SLC25A17: variants seen among roughly 807,000 people sequenced by gnomAD.
SLC25A17 encodes the protein solute carrier family 25 member 17.
SLC25A17 carries 26 observed loss-of-function variants against 38.5 expected under a neutral mutation model. The observed-to-expected ratio is 0.68, with a 90% CI of 0.50 to 0.94. The LOEUF is 0.94. Ranked by LOEUF, SLC25A17 falls within the 40% of genes least tolerant of loss-of-function variation. The pLI is 0.00. For missense variants in SLC25A17, 333 were observed against 372.7 expected, an observed-to-expected ratio of 0.89 and a Z score of 0.88; for synonymous variants, 139 against 136.2, an observed-to-expected ratio of 1.02 and a Z score of -0.14.
chr22:40,796,803 C>A (rs1049176275), intron 2 of SLC25A17, among the ~76,000 whole-genome samples: 3 of 152,150 alleles, frequency 2.0e-5, no homozygotes, highest in African/African-American at 7.2e-5. Flanking sequence ...ACCCCAGAAT[C>A]TACAACAGGG....
In SLC25A17 at chr22:40,777,262, C is replaced by A; in HGVS notation, c.563G>T (p.Gly188Val). 1.9e-6 allele frequency: 3 copies of A among 1,614,146 alleles called. No individual in the cohort carries two copies. The highest frequency in any genetic ancestry group is 2.5e-6 in the Non-Finnish European group (3 of 1,179,998). ...NPAIQFMFYE[G>V]LKRQLLKKRM... ...TTTCTTTAAAAGCTGCCGTTTTAAA[C>A]CTTCATAAAACATGAACTGGATGGC... The change falls in exon 6 of 9, where the codon GGT becomes GTT. Residue 188 changes from glycine (G) to valine (V), a missense_variant. Physicochemically the swap from Gly to Val is moderately radical, Grantham distance 109. Transcript: ENST00000435456.
Position 40,805,761 on chromosome 22 carries a change from T to C in SLC25A17, c.55-6678A>G, listed in dbSNP as rs1316300506. Among the ~76,000 whole-genome samples, 15 of 152,308 alleles carry C rather than the reference T, an allele frequency of 9.8e-5. No individual in the cohort carries two copies. The East Asian group carries it at 2.7e-3, about 27-fold the overall frequency. ...AAGGAATACAGCTCTGCTGACACTT[T>C]GATTTTAACTCTGTGAGACCCACAT... On this transcript the variant is annotated intron_variant, in intron 1 of 8. Coordinates refer to ENST00000435456, the MANE Select transcript of SLC25A17 (RefSeq NM_006358.4).
chr22:40,788,938 AGG>A, intron 4 of SLC25A17: 1 of 310,504 alleles, frequency 3.2e-6, no homozygotes, highest in South Asian at 4.1e-5. Flanking sequence ...TTCTGGTCTG[AGG>A]TAGCCAACAA....
At chr22:40,795,994 G>A (rs2057425989) in intron 2 of SLC25A17, among the ~76,000 whole-genome samples, 1 of 151,210 alleles carries the variant, frequency 6.6e-6, no homozygotes, top group Admixed American at 6.6e-5. Flanking sequence ...TTACCATGTT[G>A]GCCAGGCTGG....
At chr22:40,780,053 A>C (rs2057281070) in intron 4 of SLC25A17, 1 of 152,264 alleles carries the variant, frequency 6.6e-6, no homozygotes, top group African/African-American at 2.4e-5. Flanking sequence ...TCTAGTCAAG[A>C]TCTGAAGAAC....
chr22:40,802,322 C>T (rs1410555876), intron 1 of SLC25A17, among the ~76,000 whole-genome samples: 1 of 152,080 alleles, frequency 6.6e-6, no homozygotes, highest in Admixed American at 6.6e-5. Context: ...GCTCATTGGT[C>T]TATTACTACC....
At chr22:40,818,639 G>C (rs1050586568) in intron 1 of SLC25A17, among the ~76,000 whole-genome samples, 4 of 150,258 alleles carry the variant, frequency 2.7e-5, no homozygotes, top group African/African-American at 9.9e-5. Flanking sequence ...CCGGGAGATC[G>C]AGGCTGCAGT....
At chr22:40,812,057 CTTTTT>C (rs987571307) in intron 1 of SLC25A17, among the ~76,000 whole-genome samples, 3 of 150,254 alleles carry the variant, frequency 2.0e-5, no homozygotes, top group African/African-American at 7.4e-5. Context: ...CTCTCTCTTT[CTTTTT>C]AACTTATTTA....
intron 2 of SLC25A17, among the ~76,000 whole-genome samples, chr22:40,795,163 ATGATGCCCC>A (rs1178702790): frequency 1.3e-5 from 2 of 152,324 alleles, no homozygotes; most frequent in African/African-American, 4.8e-5. Flanking sequence ...CCAGAACTAA[ATGATGCCCC>A]TGTGTGACCA....
chr22:40,817,430 C>T (rs1390424454), intron 1 of SLC25A17: 2 of 152,228 alleles, frequency 1.3e-5, no homozygotes, highest in African/African-American at 2.4e-5. Context: ...ACACACTTCC[C>T]TAGTGAGCTC....
rs560206736 is a variant in SLC25A17, at chr22:40,786,209, G to T, written c.334+6316C>A. ...GCTTGTAATCCCAGCTACTAGAGAG[G>T]CTGAGGCAGGAGAATCGCTTGAACC... On this transcript the variant is annotated intron_variant, in intron 4 of 8. Transcript: ENST00000435456. Among the ~76,000 whole-genome samples the T allele has an allele frequency of 2.6e-5, 4 of 152,198 alleles. No homozygotes were observed. The South Asian group carries it at 8.3e-4, about 32-fold the overall frequency.
intron 7 of SLC25A17, among the ~76,000 whole-genome samples, chr22:40,775,471 T>G (rs2057233149): frequency 1.8e-5 from 2 of 110,832 alleles, no homozygotes; most frequent in African/African-American, 7.0e-5. Flanking sequence ...TTTTTTTTTT[T>G]TTTGAGACGG....
At chr22:40,788,021 G>A (rs1427622205) in intron 4 of SLC25A17, among the ~76,000 whole-genome samples, 1 of 152,174 alleles carries the variant, frequency 6.6e-6, no homozygotes, top group African/African-American at 2.4e-5. Flanking sequence ...CTCCCAAAGT[G>A]CTGGGATTAC....
At chr22:40,800,744 C>T (rs980751755) in intron 1 of SLC25A17, among the ~76,000 whole-genome samples, 4 of 150,600 alleles carry the variant, frequency 2.7e-5, no homozygotes, top group East Asian at 2.0e-4. Flanking sequence ...AAGCCAAGAT[C>T]GTGCCACTGC....
chr22:40,773,029 G>A (rs1009228258), intron 8 of SLC25A17, among the ~76,000 whole-genome samples: 4 of 152,088 alleles, frequency 2.6e-5, no homozygotes, highest in Non-Finnish European at 5.9e-5. Context: ...TTCAAAGGAG[G>A]TCCCTGACTT....
chr22:40,805,426 A>G (rs1196448781), intron 1 of SLC25A17, among the ~76,000 whole-genome samples: 1 of 152,212 alleles, frequency 6.6e-6, no homozygotes, highest in Non-Finnish European at 1.5e-5. Flanking sequence ...TCAACCCAAC[A>G]TTCCTGGCTT....
chr22:40,777,048 T>C lies in SLC25A17; in HGVS notation c.685A>G (p.Ile229Val), dbSNP rs867468173. ...VTYPLQTVQSILRFGRHRLNP... is the reference protein window; with the variant it reads ...VTYPLQTVQSVLRFGRHRLNP... ...AGAACTCCAGCACTCACCCTCAGAA[T>C]TGACTGTACCGTCTGCAGGGGATAG... Residue 229 changes from isoleucine (I) to valine (V), a missense_variant, in exon 7 of 9, where the codon ATT (isoleucine) becomes GTT (valine). Physicochemically the swap from Ile to Val is conservative, Grantham distance 29. Coordinates refer to ENST00000435456, the MANE Select transcript of SLC25A17 (RefSeq NM_006358.4). 21 of 1,613,922 alleles carry C rather than the reference T, an allele frequency of 1.3e-5. No homozygotes were observed. Among genetic ancestry groups the C allele is most frequent in the Middle Eastern group, 3.3e-4 (2 of 6,084 alleles).
At chr22:40,785,389 A>T (rs2057329315) in intron 4 of SLC25A17, among the ~76,000 whole-genome samples, 1 of 152,238 alleles carries the variant, frequency 6.6e-6, no homozygotes, top group Non-Finnish European at 1.5e-5. Flanking sequence ...TTCTCAAAAA[A>T]CAAACAAAAA....
rs935567147 is a variant in SLC25A17 at position 40,799,348 on chromosome 22, G to A, written c.55-265C>T. Among the ~76,000 whole-genome samples the A allele has an allele frequency of 4.0e-5, 6 of 151,344 alleles. No individual in the cohort carries two copies. In the East Asian group the frequency reaches 5.8e-4, roughly 15 times the overall value. ...GATGGGGGTCTCACTTTGTTGCCCA[G>A]GCTGGGAGTCACAACTTTTTTTTTT... On this transcript the variant is annotated intron_variant, in intron 1 of 8. Transcript: ENST00000435456.
Sources: allele counts gnomAD v4.1 joint callset (sites outside exome capture counted in the v4.1 genomes callset), GRCh38; gene constraint gnomAD v4.1.1; transcripts MANE v1.5; gene names NCBI Gene and HGNC (gene_info 2026-07-23, HGNC 2026-07-21).